Variants in TXNRD1 observed in about 807,000 individuals in gnomAD.
TXNRD1 encodes the protein thioredoxin reductase 1, cytoplasmic.
Under a neutral mutation model 80.3 loss-of-function variants are expected in TXNRD1, and 57 were observed. The ratio of observed to expected loss-of-function variants is 0.71; its 90% CI spans 0.57 to 0.89. TXNRD1 has a LOEUF of 0.89. Among genes scored for constraint, TXNRD1 ranks in the 40% least tolerant of loss-of-function variants. The pLI is 0.00. For synonymous variants in TXNRD1, 291 were observed against 285.2 expected (o/e 1.02, Z -0.20); for missense variants, 730 against 803.0 (o/e 0.91, Z 1.10).
At position 104,215,845 on chromosome 12, in the gene TXNRD1, A is replaced by T. The variant is rs1481621459; in HGVS notation, c.43A>T (p.Thr15Ser). ...CAAGGCAGTGGCGGCGGCCGCCCCA[A>T]CGGAGCTGCAGACGAAAGGCAAGAA... ...EGKAVAAAAP[T>S]ELQTKGKNGD... The change falls in exon 1 of 17, where the codon ACG (threonine) becomes TCG (serine). Residue 15 changes from threonine to serine, a missense_variant. Thr to Ser is a moderately conservative substitution (Grantham distance 58). Transcript: ENST00000525566. 1 of 1,560,520 alleles carries T rather than the reference A, an allele frequency of 6.4e-7. No homozygotes were observed. Among genetic ancestry groups the T allele is most frequent in the Non-Finnish European group, 8.7e-7 (1 of 1,153,620 alleles).
At chr12:104,346,488 G>T (rs193221108) in intron 16 of TXNRD1, among the ~76,000 whole-genome samples, 2 of 152,214 alleles carry the variant, frequency 1.3e-5, no homozygotes, top group African/African-American at 4.8e-5. Flanking sequence ...TAGAACCCAG[G>T]CTTGCAAATT....
intron 6 of TXNRD1, among the ~76,000 whole-genome samples, chr12:104,313,783 T>C (rs2035222328): frequency 6.6e-6 from 1 of 152,226 alleles, no homozygotes; most frequent in Non-Finnish European, 1.5e-5. Context: ...AGCAGTGAAC[T>C]CGGCATATTC....
chr12:104,265,660 C>T (rs1350009579), intron 3 of TXNRD1: 2 of 1,605,854 alleles, frequency 1.2e-6, no homozygotes, highest in Non-Finnish European at 1.7e-6. Flanking sequence ...TGCCCGGCAC[C>T]GCGCCCGAGC....
At chr12:104,275,583 G>C (rs112176548) in intron 3 of TXNRD1, among the ~76,000 whole-genome samples, 1 of 151,884 alleles carries the variant, frequency 6.6e-6, no homozygotes, top group African/African-American at 2.4e-5. Flanking sequence ...GGGTTTCTCC[G>C]TGTTGGTCAG....
At chr12:104,248,238 C>T (rs944255676) in intron 1 of TXNRD1, among the ~76,000 whole-genome samples, 1 of 151,918 alleles carries the variant, frequency 6.6e-6, no homozygotes. Flanking sequence ...TGTGTGTGAA[C>T]ATATATGAAT....
chr12:104,281,331 C>G (rs1050192608), intron 3 of TXNRD1, among the ~76,000 whole-genome samples: 3 of 151,814 alleles, frequency 2.0e-5, no homozygotes, highest in African/African-American at 7.3e-5. Flanking sequence ...CACTAATCAG[C>G]CTTTATCATC....
intron 4 of TXNRD1, chr12:104,304,434 C>T (rs1195837271): frequency 6.2e-7 from 1 of 1,613,882 alleles, no homozygotes; most frequent in African/African-American, 1.3e-5. Context: ...AAAGCTGAGA[C>T]ATTCCATTTT....
intron 4 of TXNRD1, among the ~76,000 whole-genome samples, chr12:104,291,326 G>C (rs1410009949): frequency 6.7e-6 from 1 of 148,544 alleles, no homozygotes; most frequent in South Asian, 2.1e-4. Flanking sequence ...TCAGCCTCCC[G>C]AGTAGCTGGG....
chr12:104,274,461 C>T lies in TXNRD1; in HGVS notation c.305-14470C>T, dbSNP rs544242880. Among the ~76,000 whole-genome samples the T allele has an allele frequency of 1.1e-4, 16 of 151,992 alleles. No homozygotes were observed. In the South Asian group the frequency reaches 2.3e-3, roughly 22 times the overall value. Reference sequence around the variant, plus strand: ...CTGTAATCCTAGCACTTTGGGAGGCCGAGGCGGGTGGATCGCCTGAGTTCA... The same window carrying T: ...CTGTAATCCTAGCACTTTGGGAGGCTGAGGCGGGTGGATCGCCTGAGTTCA... On this transcript the variant is annotated intron_variant, in intron 3 of 16. Transcript: ENST00000525566.
intron 1 of TXNRD1, among the ~76,000 whole-genome samples, chr12:104,241,922 T>A (rs2032877420): frequency 6.7e-6 from 1 of 149,422 alleles, no homozygotes; most frequent in Admixed American, 6.8e-5. Context: ...ACATCTTTTA[T>A]TTTTTATACT....
intron 9 of TXNRD1, 142 bp downstream of exon 9, chr12:104,319,727 G>A: frequency 3.0e-6 from 2 of 663,552 alleles, no homozygotes; most frequent in Non-Finnish European, 5.3e-6. Flanking sequence ...GCAGGGGTTT[G>A]GGAGAAAGAG....
At chr12:104,325,560 CA>C (rs745726419) in intron 11 of TXNRD1, 131 bp downstream of exon 11, 5 of 684,236 alleles carry the variant, frequency 7.3e-6, no homozygotes, top group Non-Finnish European at 1.3e-5. Context: ...TTAGACATCT[CA>C]ATAACTTATG....
intron 1 of TXNRD1, among the ~76,000 whole-genome samples, chr12:104,237,299 A>G (rs1049206581): frequency 1.3e-5 from 2 of 152,200 alleles, no homozygotes; most frequent in Non-Finnish European, 2.9e-5. Flanking sequence ...GCTCTGCGCC[A>G]TCTGAAAGAT....
At chr12:104,313,010 A>G (rs1162860267) in intron 5 of TXNRD1, among the ~76,000 whole-genome samples, 1 of 152,148 alleles carries the variant, frequency 6.6e-6, no homozygotes, top group African/African-American at 2.4e-5. Context: ...TGATTCTAAC[A>G]ATTTTACTAC....
At chr12:104,304,491 T>G (rs1332518118) in intron 4 of TXNRD1, 7 of 1,614,000 alleles carry the variant, frequency 4.3e-6, no homozygotes, top group Non-Finnish European at 5.9e-6. Context: ...AAGCCCCGAC[T>G]TGAACACCAG....
chr12:104,328,423 A>C (rs2035838701), intron 13 of TXNRD1, among the ~76,000 whole-genome samples: 1 of 152,144 alleles, frequency 6.6e-6, no homozygotes, highest in African/African-American at 2.4e-5. Flanking sequence ...AAAGTAGCTT[A>C]AACCACTATT....
chr12:104,296,756 A>G (rs1176885042), intron 4 of TXNRD1, among the ~76,000 whole-genome samples: 1 of 152,244 alleles, frequency 6.6e-6, no homozygotes, highest in Admixed American at 6.5e-5. Context: ...AAGATGGGCT[A>G]TCAGGAACCA....
intron 2 of TXNRD1, among the ~76,000 whole-genome samples, chr12:104,254,324 C>T (rs778095803): frequency 7.2e-5 from 11 of 151,892 alleles, no homozygotes; most frequent in Non-Finnish European, 1.3e-4. Context: ...GGACTTAAAA[C>T]CTTGGGTGGT....
At chr12:104,320,327 C>T (rs569166996) in intron 9 of TXNRD1, among the ~76,000 whole-genome samples, 3 of 152,288 alleles carry the variant, frequency 2.0e-5, no homozygotes, top group East Asian at 3.9e-4. Context: ...TATCCTTTCT[C>T]ACATGGTGGG....
Sources: allele counts gnomAD v4.1 joint callset (sites outside exome capture counted in the v4.1 genomes callset), GRCh38; gene constraint gnomAD v4.1.1; transcripts MANE v1.5; gene names NCBI Gene and HGNC (gene_info 2026-07-23, HGNC 2026-07-21).